Variants in MYRIP observed in about 807,000 individuals in gnomAD.
MYRIP encodes the protein rab effector MyRIP.
A neutral mutation model predicts 98.0 loss-of-function variants in MYRIP; 49 were observed. That is an observed-to-expected ratio of 0.50 (90% CI 0.40 to 0.63). The LOEUF (loss-of-function observed/expected upper bound fraction) is 0.63, where lower values mean the gene tolerates loss of function less well. MYRIP is among the 30% of genes least tolerant of loss of function. The pLI is 0.00. For missense variants in MYRIP, 1,004 were observed against 1,058.2 expected, an observed-to-expected ratio of 0.95 and a Z score of 0.71; for synonymous variants, 404 against 409.5, an observed-to-expected ratio of 0.99 and a Z score of 0.16.
At chr3:39,900,676 T>A in intron 1 of MYRIP, 111 bp from the exon 2 acceptor site, 1 of 567,026 alleles carries the variant, frequency 1.8e-6, no homozygotes, top group South Asian at 2.5e-5. Flanking sequence ...GATACTACCT[T>A]ACATAAACAC....
intron 3 of MYRIP, among the ~76,000 whole-genome samples, chr3:40,135,629 G>C (rs989252644): frequency 2.0e-5 from 3 of 152,216 alleles, no homozygotes; most frequent in Non-Finnish European, 4.4e-5. Context: ...AGGGCAGCCA[G>C]AGAGAAAGGT....
chr3:40,212,287 T>C (rs2125670714), intron 11 of MYRIP, among the ~76,000 whole-genome samples: 1 of 140,904 alleles, frequency 7.1e-6, no homozygotes. Flanking sequence ...GAGAGCGCCA[T>C]ATAGACTATA....
rs754475451 is a variant in MYRIP at position 39,900,936 on chromosome 3, C to G, written c.110+10C>G. 7 of 1,602,514 alleles carry G rather than the reference C, an allele frequency of 4.4e-6. No homozygotes were observed. Among genetic ancestry groups the G allele is most frequent in the Non-Finnish European group, 6.0e-6 (7 of 1,172,522 alleles). ...AAGAAGAACGACTAAGGTGAGATGCCTGTTTTGCTCAGCAGCGTACAGCAA... is the reference window on the plus strand; with the variant it reads ...AAGAAGAACGACTAAGGTGAGATGCGTGTTTTGCTCAGCAGCGTACAGCAA... On this transcript the variant is annotated intron_variant, in intron 2 of 16. Transcript: ENST00000302541.
At chr3:39,904,831 C>T (rs1943838272) in intron 2 of MYRIP, among the ~76,000 whole-genome samples, 2 of 152,172 alleles carry the variant, frequency 1.3e-5, no homozygotes. Flanking sequence ...AGATGAGACA[C>T]TTTCTCAGCA....
At chr3:40,118,478 T>C (rs908826821) in intron 3 of MYRIP, among the ~76,000 whole-genome samples, 1 of 152,114 alleles carries the variant, frequency 6.6e-6, no homozygotes, top group African/African-American at 2.4e-5. Flanking sequence ...GTTAAATTAA[T>C]TATGGAATGG....
intron 1 of MYRIP, among the ~76,000 whole-genome samples, chr3:39,898,981 A>C (rs1943681440): frequency 6.6e-6 from 1 of 152,184 alleles, no homozygotes; most frequent in South Asian, 2.1e-4. Context: ...GCATGACTTC[A>C]ACCTTTTAAT....
chr3:40,117,219 A>G (rs1168954044), intron 3 of MYRIP, among the ~76,000 whole-genome samples: 2 of 152,242 alleles, frequency 1.3e-5, no homozygotes, highest in African/African-American at 2.4e-5. Context: ...ATTAATGAAG[A>G]TATCATACAC....
chr3:40,117,041 G>A (rs1386286149), intron 3 of MYRIP, among the ~76,000 whole-genome samples: 1 of 152,172 alleles, frequency 6.6e-6, no homozygotes, highest in South Asian at 2.1e-4. Context: ...CTGCACCCCC[G>A]GCTATAGCTT....
chr3:40,020,198 G>A (rs535209092), intron 2 of MYRIP, among the ~76,000 whole-genome samples: 3 of 152,240 alleles, frequency 2.0e-5, no homozygotes, highest in South Asian at 4.1e-4. Flanking sequence ...ATGCTCAGGT[G>A]TGCTCAATGT....
At chr3:40,175,541 T>G (rs1278336666) in intron 8 of MYRIP, among the ~76,000 whole-genome samples, 1 of 152,220 alleles carries the variant, frequency 6.6e-6, no homozygotes, top group Non-Finnish European at 1.5e-5. Context: ...TTGGGTGTGG[T>G]TCCCCATGTC....
At chr3:40,244,767 C>T (rs1157302747) in intron 13 of MYRIP, 160 bp downstream of exon 13, 1 of 812,906 alleles carries the variant, frequency 1.2e-6, no homozygotes. Context: ...ACCAAATTCT[C>T]CCTTTAAAAG....
At chr3:40,018,413 C>T (rs987578044) in intron 2 of MYRIP, among the ~76,000 whole-genome samples, 6 of 152,196 alleles carry the variant, frequency 3.9e-5, no homozygotes, top group Non-Finnish European at 8.8e-5. Flanking sequence ...ACTTTGCTTT[C>T]AGTGAGTGAG....
Position 39,809,813 on chromosome 3 carries a change from G to A in MYRIP, c.-134G>A, listed in dbSNP as rs1396741337. ...GCCGCCGGCAGCCTCTAATCCACGC[G>A]GCGCGTTGCGGCAGGTGCCCTGGGC... On this transcript the variant is annotated 5_prime_UTR_variant, in exon 1 of 17. Transcript: ENST00000302541. 1 of 152,262 alleles carries A rather than the reference G, an allele frequency of 6.6e-6. No homozygotes were observed. The highest frequency in any genetic ancestry group is 2.4e-5 in the African/African-American group (1 of 41,472). 9.4% of individuals were successfully genotyped at this position (152,262 alleles called of 1,614,324 possible). A position where few individuals can be genotyped will look rare whatever the true frequency, so the allele number is the denominator to read the frequency against.
At chr3:40,048,235 G>C (rs1174754764) in intron 3 of MYRIP, among the ~76,000 whole-genome samples, 1 of 152,080 alleles carries the variant, frequency 6.6e-6, no homozygotes, top group Non-Finnish European at 1.5e-5. Context: ...CTTTTGTGAG[G>C]CCACTTTCAG....
chr3:40,098,547 G>A (rs1298630820), intron 3 of MYRIP, among the ~76,000 whole-genome samples: 1 of 152,094 alleles, frequency 6.6e-6, no homozygotes, highest in African/African-American at 2.4e-5. Context: ...AAGTGCCCTG[G>A]GTCTTCATGA....
chr3:39,962,469 C>A (rs1252976069), intron 2 of MYRIP, among the ~76,000 whole-genome samples: 3 of 46,100 alleles, frequency 6.5e-5, no homozygotes, highest in African/African-American at 2.8e-4. Context: ...TTTTTTTTTC[C>A]ACTTGTTCAA....
At chr3:40,153,372 G>A (rs1350710924) in intron 4 of MYRIP, among the ~76,000 whole-genome samples, 1 of 152,172 alleles carries the variant, frequency 6.6e-6, no homozygotes. Context: ...GGCCTAAGTA[G>A]CCTCCTGGTT....
chr3:40,179,134 T>C (rs1950831370), intron 8 of MYRIP, among the ~76,000 whole-genome samples: 1 of 152,132 alleles, frequency 6.6e-6, no homozygotes, highest in African/African-American at 2.4e-5. Flanking sequence ...AGTAAAAGCA[T>C]TGTTGTGGTG....
In MYRIP at chr3:40,044,255, G is replaced by T; in HGVS notation, c.316G>T (p.Val106Phe). Residue 106 changes from valine to phenylalanine, a missense_variant, in exon 3 of 17, where the codon GTC (valine) becomes TTC (phenylalanine). Around this residue, in one of 3 missense-constraint regions of MYRIP, gnomAD observed 880 missense variants for 907.7 expected, o/e 0.97. Coordinates refer to ENST00000302541, the MANE Select transcript of MYRIP (RefSeq NM_015460.4). ...GCACGAAAAGGCCTGGGTCTGCTGC[G>T]TCTGCCAGCAAGCGAGGTGAGTGGC... ...QKHEKAWVCC[V>F]CQQARLLRAQ... The T allele has an allele frequency of 6.2e-7, 1 of 1,614,172 alleles. No homozygotes were observed. Among genetic ancestry groups the T allele is most frequent in the South Asian group, 1.1e-5 (1 of 91,084 alleles).
Sources: allele counts gnomAD v4.1 joint callset (sites outside exome capture counted in the v4.1 genomes callset), GRCh38; gene constraint gnomAD v4.1.1; regional missense constraint gnomAD v4.1.1; transcripts MANE v1.5; gene names NCBI Gene and HGNC (gene_info 2026-07-23, HGNC 2026-07-21).